MATR3: variants seen among roughly 807,000 people sequenced by gnomAD.
The protein encoded by MATR3 is matrin-3.
MATR3 carries 4 observed loss-of-function variants against 85.5 expected under a neutral mutation model. The observed-to-expected ratio is 0.05, with a 90% CI of 0.02 to 0.11. MATR3 has a LOEUF of 0.11. Among genes scored for constraint, MATR3 ranks in the 10% least tolerant of loss-of-function variants. The pLI, the probability that MATR3 is intolerant of heterozygous loss-of-function variation, is 1.00. For missense variants in MATR3, 685 were observed against 1,016.1 expected, an observed-to-expected ratio of 0.67 and a Z score of 4.43; for synonymous variants, 336 against 343.1, an observed-to-expected ratio of 0.98 and a Z score of 0.23.
exon 1 of MATR3, chr5:139,274,159 C>A: frequency 2.3e-6 from 1 of 426,068 alleles, no homozygotes; most frequent in Non-Finnish European, 4.6e-6. Flanking sequence ...CGAACACGTG[C>A]GCGTGAGTAA....
chr5:139,308,419 T>C, intron 2 of MATR3, 92 bp downstream of exon 2: 1 of 1,463,272 alleles, frequency 6.8e-7, no homozygotes, highest in Non-Finnish European at 9.5e-7. Flanking sequence ...TCTGATGACA[T>C]TGAGTTGATC....
upstream of MATR3, among the ~76,000 whole-genome samples, chr5:139,289,006 ACTC>A (rs1753792564): frequency 6.7e-6 from 1 of 149,406 alleles, no homozygotes; most frequent in South Asian, 2.1e-4. Flanking sequence ...TTGGTCTTGA[ACTC>A]CTGACCTTGT....
intron 9 of MATR3, among the ~76,000 whole-genome samples, chr5:139,319,771 G>A (rs1755445885): frequency 6.7e-6 from 1 of 150,314 alleles, no homozygotes; most frequent in Non-Finnish European, 1.5e-5. Flanking sequence ...TAACTGGCAG[G>A]GGGCGGAGGT....
rs557531046 is a variant in MATR3 at position 139,330,122 on chromosome 5, G to T, written c.*727G>T. ...TCTTACTGCTTGTCACTTGAATCCC[G>T]TGATTGTCATACATCTCTGGTATAA... is the stretch of plus-strand genomic sequence containing the variant. On this transcript the variant is annotated 3_prime_UTR_variant, in exon 15 of 15. Coordinates refer to ENST00000394805, the MANE Select transcript of MATR3 (RefSeq NM_018834.6). 1.5e-4 allele frequency: 69 copies of T among 454,406 alleles called. No individual in the cohort carries two copies. Among genetic ancestry groups the T allele is most frequent in the African/African-American group, 1.3e-3 (66 of 50,068 alleles). The allele number at this position is 454,406 out of a possible 1,614,324, so 28.1% of individuals were successfully genotyped here. A position where few individuals can be genotyped will look rare whatever the true frequency, so the allele number is the denominator to read the frequency against.
intron 1 of MATR3, among the ~76,000 whole-genome samples, chr5:139,275,678 C>T (rs1193629877): frequency 1.3e-5 from 2 of 152,142 alleles, no homozygotes; most frequent in Non-Finnish European, 2.9e-5. Flanking sequence ...TGCTCGCTCA[C>T]GCCTGTAGTC....
At chr5:139,287,015 TAATA>T (rs1753728763) in intron 3 of MATR3, among the ~76,000 whole-genome samples, 2 of 152,226 alleles carry the variant, frequency 1.3e-5, no homozygotes, top group Admixed American at 1.3e-4. Flanking sequence ...TATACAATAG[TAATA>T]AATAGTCTCT....
At chr5:139,290,222 C>A (rs1418744720), upstream of MATR3, among the ~76,000 whole-genome samples, 6 of 151,390 alleles carry the variant, frequency 4.0e-5, no homozygotes. Context: ...GTTGATCAGG[C>A]TGGAGTGCAG....
intron 2 of MATR3, among the ~76,000 whole-genome samples, chr5:139,276,654 G>C (rs1484930665): frequency 2.0e-5 from 3 of 152,124 alleles, no homozygotes; most frequent in Non-Finnish European, 4.4e-5. Context: ...ACAGAACAAA[G>C]CTAATGGGAA....
At chr5:139,300,783 C>T (rs1282495496) in intron 1 of MATR3, among the ~76,000 whole-genome samples, 4 of 152,228 alleles carry the variant, frequency 2.6e-5, no homozygotes, top group Non-Finnish European at 5.9e-5. Context: ...GCTGGGATTA[C>T]AGGCACATGC....
chr5:139,324,119 A>T (rs534057571), intron 12 of MATR3, among the ~76,000 whole-genome samples: 1 of 152,256 alleles, frequency 6.6e-6, no homozygotes, highest in East Asian at 1.9e-4. Flanking sequence ...ACGTTTTTCT[A>T]AGTTTAAATT....
At chr5:139,320,840 C>T (rs1289857519) in intron 9 of MATR3, among the ~76,000 whole-genome samples, 1 of 150,570 alleles carries the variant, frequency 6.6e-6, no homozygotes, top group South Asian at 2.1e-4. Context: ...TTCTGCCTCC[C>T]CGGTTCATGG....
At chr5:139,281,364 T>G (rs1299637260) in intron 3 of MATR3, among the ~76,000 whole-genome samples, 22 of 147,578 alleles carry the variant, frequency 1.5e-4, no homozygotes, top group African/African-American at 3.8e-4. Context: ...TTGTTTTTTT[T>G]TTTTTTTTTG....
intron 12 of MATR3, 73 bp downstream of exon 12, chr5:139,323,040 C>A: frequency 7.0e-7 from 1 of 1,419,820 alleles, no homozygotes; most frequent in South Asian, 1.3e-5. Flanking sequence ...TTTACCTAAG[C>A]AGGATCAGAT....
At chr5:139,316,326 A>T in intron 5 of MATR3, 138 bp downstream of exon 5, 1 of 672,420 alleles carries the variant, frequency 1.5e-6, no homozygotes, top group South Asian at 1.7e-5. Flanking sequence ...ACTCACTGCA[A>T]CCTCTGCCTC....
rs780827204 is a variant in MATR3, at chr5:139,331,660, CT to C, written c.*2267del. On this transcript the variant is annotated 3_prime_UTR_variant, in exon 15 of 15. Coordinates refer to ENST00000394805, the MANE Select transcript of MATR3 (RefSeq NM_018834.6). ...CATTATCCTACAAAAGTGAATGAAA[CT>C]TCTAGAAGTACCTTGAGTTTGTTTT... The C allele has an allele frequency of 5.0e-5, 22 of 443,724 alleles. No individual in the cohort carries two copies. The highest frequency in any genetic ancestry group is 8.1e-5 in the South Asian group (5 of 61,782). 27.5% of individuals were successfully genotyped at this position (443,724 alleles called of 1,614,324 possible).
At chr5:139,319,101 T>C in intron 8 of MATR3, 68 bp downstream of exon 8, 1 of 1,518,740 alleles carries the variant, frequency 6.6e-7, no homozygotes, top group Non-Finnish European at 9.1e-7. Context: ...TAACTGTGGT[T>C]ATTTCAAATT....
chr5:139,294,162 C>T (rs1354793679), intron 1 of MATR3: 6 of 898,194 alleles, frequency 6.7e-6, no homozygotes, highest in African/African-American at 5.2e-5. Flanking sequence ...GGCGGGACGA[C>T]TAGCCCGTTA....
At chr5:139,301,957 C>T (rs1226081812) in intron 1 of MATR3, among the ~76,000 whole-genome samples, 1 of 152,146 alleles carries the variant, frequency 6.6e-6, no homozygotes, top group Non-Finnish European at 1.5e-5. Flanking sequence ...ATTCATTAGC[C>T]TAAGGATCAA....
chr5:139,294,105 G>C (rs1307592381), intron 1 of MATR3: 1 of 1,225,294 alleles, frequency 8.2e-7, no homozygotes, highest in African/African-American at 1.6e-5. Context: ...GAAGAGGTGC[G>C]CTGACCGGCC....
Sources: allele counts gnomAD v4.1 joint callset (sites outside exome capture counted in the v4.1 genomes callset), GRCh38; gene constraint gnomAD v4.1.1; transcripts MANE v1.5; gene names NCBI Gene and HGNC (gene_info 2026-07-23, HGNC 2026-07-21).